The following PPA2 variants were observed in gnomAD, a reference collection of about 807,000 sequenced individuals.
PPA2 encodes the protein inorganic pyrophosphatase 2, mitochondrial.
PPA2 carries 48 observed loss-of-function variants against 49.5 expected under a neutral mutation model. The observed-to-expected ratio is 0.97, with a 90% CI of 0.77 to 1.23. The LOEUF (loss-of-function observed/expected upper bound fraction) is 1.23, where lower values mean the gene tolerates loss of function less well. Ranked by LOEUF, PPA2 falls within the 50% of genes most tolerant of loss-of-function variation. The probability of loss-of-function intolerance (pLI) is 0.00; values close to 1 mark genes in which losing one functional copy is unlikely to be tolerated. For missense variants in PPA2, 429 were observed against 410.1 expected (o/e 1.05, Z -0.40); for synonymous variants, 131 against 139.9 (o/e 0.94, Z 0.45).
intron 10 of PPA2, among the ~76,000 whole-genome samples, chr4:105,385,034 C>T (rs1733625879): frequency 6.6e-6 from 1 of 152,182 alleles, no homozygotes; most frequent in South Asian, 2.1e-4. Flanking sequence ...CAGACATCCT[C>T]TTGCCTCAGG....
At chr4:105,423,135 CTT>C (rs916065355) in intron 7 of PPA2, 8 of 152,042 alleles carry the variant, frequency 5.3e-5, no homozygotes. Flanking sequence ...GGTTTATAGA[CTT>C]GAGCTCATAT....
chr4:105,412,681 C>A (rs905232032), intron 7 of PPA2, among the ~76,000 whole-genome samples: 2 of 152,156 alleles, frequency 1.3e-5, no homozygotes, highest in South Asian at 4.1e-4. Flanking sequence ...AGGATATGAA[C>A]AGACACTTCT....
chr4:105,438,881 C>T (rs1466321096), intron 5 of PPA2, among the ~76,000 whole-genome samples: 1 of 152,050 alleles, frequency 6.6e-6, no homozygotes, highest in African/African-American at 2.4e-5. Flanking sequence ...GTTATCTAAG[C>T]TTATTTCCTT....
At chr4:105,386,970 G>C (rs568478888) in intron 9 of PPA2, among the ~76,000 whole-genome samples, 1 of 152,236 alleles carries the variant, frequency 6.6e-6, no homozygotes, top group African/African-American at 2.4e-5. Flanking sequence ...AAGCAAATTT[G>C]ACCCACACAA....
chr4:105,439,002 C>T (rs116822038), intron 5 of PPA2, among the ~76,000 whole-genome samples: 2,738 of 151,930 alleles, frequency 0.018, 66 homozygotes, highest in African/African-American at 0.052. Context: ...CCTGGCCTAA[C>T]TTTATCTTAA....
Position 105,424,195 on chromosome 4 carries a change from C to T in PPA2, c.655+1G>A. The T allele has an allele frequency of 1.2e-6, 2 of 1,600,620 alleles. No individual in the cohort carries two copies. Among genetic ancestry groups the T allele is most frequent in the South Asian group, 1.1e-5 (1 of 87,522 alleles). ...CACTTTCTGGAAAGTAACAGTCTTACCATGAAACTTTGAGGCTTCAGGATC... is the reference window on the plus strand; with the variant it reads ...CACTTTCTGGAAAGTAACAGTCTTATCATGAAACTTTGAGGCTTCAGGATC... On this transcript the variant is annotated splice_donor_variant, in intron 7 of 11. Transcript: ENST00000341695. LOFTEE classifies it high-confidence loss of function.
At chr4:105,421,624 G>C (rs1279432162) in intron 7 of PPA2, among the ~76,000 whole-genome samples, 4 of 152,046 alleles carry the variant, frequency 2.6e-5, no homozygotes, top group Non-Finnish European at 5.9e-5. Context: ...CTTTCAATTT[G>C]TGCCTACATC....
chr4:105,465,181 C>A (rs185296970), intron 1 of PPA2, among the ~76,000 whole-genome samples: 125 of 152,312 alleles, frequency 8.2e-4, no homozygotes, highest in Non-Finnish European at 2.1e-4. Flanking sequence ...CCAAATAATT[C>A]TTACACTCAG....
chr4:105,378,533 T>C (rs1733349760), intron 10 of PPA2, among the ~76,000 whole-genome samples: 1 of 152,110 alleles, frequency 6.6e-6, no homozygotes, highest in Non-Finnish European at 1.5e-5. Context: ...TCTTGTAATA[T>C]GTAGCTTCTT....
intron 5 of PPA2, among the ~76,000 whole-genome samples, chr4:105,438,553 A>G (rs1351983478): frequency 6.6e-6 from 1 of 152,240 alleles, no homozygotes; most frequent in Non-Finnish European, 1.5e-5. Flanking sequence ...TCCATTAAAA[A>G]ATCCTCTACC....
intron 1 of PPA2, chr4:105,473,521 T>C: frequency 2.1e-6 from 1 of 484,462 alleles, no homozygotes. Context: ...CCTTCCTCAC[T>C]GAGTTGTGTG....
chr4:105,456,235 C>G (rs1722869374), intron 2 of PPA2: 1 of 477,556 alleles, frequency 2.1e-6, no homozygotes, highest in Non-Finnish European at 4.2e-6. Flanking sequence ...CCAAAACTAG[C>G]TCTGGCACTT....
chr4:105,410,896 C>A (rs932677303), intron 7 of PPA2, among the ~76,000 whole-genome samples: 4 of 152,308 alleles, frequency 2.6e-5, no homozygotes, highest in Admixed American at 2.6e-4. Context: ...GCCTGCCTTA[C>A]AAGAGCTCCT....
In PPA2 at chr4:105,432,585, A is replaced by G. The variant is rs571807909; in HGVS notation, c.528+5365T>C. ...ATGTGGATCAATTCTCACAAGTATT[A>G]GCAGTAGAGGCAGAAGGGGATAGGG... On this transcript the variant is annotated intron_variant, in intron 6 of 11. Coordinates refer to ENST00000341695, the MANE Select transcript of PPA2 (RefSeq NM_176869.3). 2.6e-4 allele frequency among the ~76,000 whole-genome samples: 40 copies of G among 152,382 alleles called. 1 individual carries two copies. In the Middle Eastern group the frequency reaches 0.02, roughly 78 times the overall value.
intron 6 of PPA2, among the ~76,000 whole-genome samples, chr4:105,435,133 G>T (rs1723989680): frequency 6.6e-6 from 1 of 152,050 alleles, no homozygotes; most frequent in Non-Finnish European, 1.5e-5. Context: ...TAACAATGCG[G>T]TGTTAAAAGT....
At chr4:105,441,100 T>A (rs1260159038) in intron 5 of PPA2, among the ~76,000 whole-genome samples, 15 of 152,156 alleles carry the variant, frequency 9.9e-5, no homozygotes, top group Non-Finnish European at 1.0e-4. Context: ...TCTTGTGGAG[T>A]CTTATGTGTG....
At chr4:105,394,395 G>GAAAA (rs66802514) in intron 9 of PPA2, among the ~76,000 whole-genome samples, 4 of 137,618 alleles carry the variant, frequency 2.9e-5, no homozygotes, top group East Asian at 2.1e-4. Context: ...AAAAAAGAAA[G>GAAAA]AAAAAAAAAG....
At chr4:105,439,968 A>C (rs1008034144) in intron 5 of PPA2, among the ~76,000 whole-genome samples, 1 of 151,562 alleles carries the variant, frequency 6.6e-6, no homozygotes, top group Non-Finnish European at 1.5e-5. Flanking sequence ...GTTTGCTGAG[A>C]ATGATAATCT....
Position 105,457,466 on chromosome 4 carries a change from T to A in PPA2, c.158-721A>T, listed in dbSNP as rs80090662. On this transcript the variant is annotated intron_variant, in intron 1 of 11. Transcript: ENST00000341695. ...TTGTAATTTCCTAAATCAGGCTGTTTTACTTCTGACCTGCTACCTGTTTGG... is the reference window on the plus strand; with the variant it reads ...TTGTAATTTCCTAAATCAGGCTGTTATACTTCTGACCTGCTACCTGTTTGG... Among the ~76,000 whole-genome samples the A allele has an allele frequency of 3.8e-3, 582 of 152,340 alleles. 4 individuals carry two copies. Among genetic ancestry groups the A allele is most frequent in the African/African-American group, 0.012 (493 of 41,574 alleles).
Sources: allele counts gnomAD v4.1 joint callset (sites outside exome capture counted in the v4.1 genomes callset), GRCh38; gene constraint gnomAD v4.1.1; transcripts MANE v1.5; gene names NCBI Gene and HGNC (gene_info 2026-07-23, HGNC 2026-07-21).